MYO6: variants seen among roughly 807,000 people sequenced by gnomAD.
MYO6 encodes unconventional myosin-VI.
In MYO6, 74 loss-of-function variants were observed where a neutral mutation model predicts 178.7. The ratio of observed to expected loss-of-function variants is 0.41; its 90% CI spans 0.34 to 0.50. The LOEUF (loss-of-function observed/expected upper bound fraction) is 0.50. Among genes scored for constraint, MYO6 ranks in the 20% least tolerant of loss-of-function variants. The pLI, the probability that MYO6 is intolerant of heterozygous loss-of-function variation, is 0.09. For synonymous variants in MYO6, 477 were observed against 504.6 expected (o/e 0.95, Z 0.73); for missense variants, 1,330 against 1,547.4 (o/e 0.86, Z 2.36).
chr6:75,775,526 T>G (rs1583034203), intron 1 of MYO6, among the ~76,000 whole-genome samples: 1 of 152,090 alleles, frequency 6.6e-6, no homozygotes, highest in African/African-American at 2.4e-5. Flanking sequence ...GCATCTGGGG[T>G]GGATGCCTGC....
intron 15 of MYO6, 62 bp downstream of exon 15, chr6:75,861,157 C>G: frequency 7.8e-7 from 1 of 1,277,586 alleles, no homozygotes; most frequent in African/African-American, 1.5e-5. Flanking sequence ...GTGTTTAGTG[C>G]TTTTTCTGTG....
intron 1 of MYO6, among the ~76,000 whole-genome samples, chr6:75,763,503 T>C (rs1778131021): frequency 6.6e-6 from 1 of 152,340 alleles, no homozygotes; most frequent in Admixed American, 6.5e-5. Context: ...ACATATTTGA[T>C]ATAAACATGC....
Position 75,817,602 on chromosome 6 carries a change from G to T in MYO6, c.55G>T (p.Gly19Cys). 1 of 1,614,116 alleles carries T rather than the reference G, an allele frequency of 6.2e-7. No homozygotes were observed. Among genetic ancestry groups the T allele is most frequent in the Non-Finnish European group, 8.5e-7 (1 of 1,180,022 alleles). Residue 19 changes from glycine to cysteine, a missense_variant, in exon 2 of 35, where the codon GGC (glycine) becomes TGC (cysteine). Around this residue, in one of 3 missense-constraint regions of MYO6, gnomAD observed 116 missense variants for 104.6 expected, o/e 1.11. Transcript: ENST00000369977. ...APHPTDGFQM[G>C]NIVDIGPDSL... ...ACACCCTACAGATGGATTTCAGATGGGCAATATTGTGGATATTGGCCCCGA... is the reference window on the plus strand; with the variant it reads ...ACACCCTACAGATGGATTTCAGATGTGCAATATTGTGGATATTGGCCCCGA...
At chr6:75,903,150 G>T (rs546795129) in intron 30 of MYO6, among the ~76,000 whole-genome samples, 119 of 152,190 alleles carry the variant, frequency 7.8e-4, no homozygotes, top group Non-Finnish European at 1.5e-3. Flanking sequence ...TTCCAAGTAT[G>T]TGGTCAATTT....
chr6:75,776,727 G>T (rs969129054), intron 1 of MYO6, among the ~76,000 whole-genome samples: 2 of 151,730 alleles, frequency 1.3e-5, no homozygotes, highest in East Asian at 3.9e-4. Context: ...TTCCCAGGCT[G>T]GTCTCAAATT....
At chr6:75,907,788 G>GTGTGTT in intron 31 of MYO6, 80 bp downstream of exon 31, 1 of 890,632 alleles carries the variant, frequency 1.1e-6, no homozygotes, top group Non-Finnish European at 1.8e-6. Flanking sequence ...TGAGGTGTGT[G>GTGTGTT]TGTGTATGTG....
intron 7 of MYO6, 73 bp downstream of exon 7, chr6:75,836,029 GTTC>G (rs1773613979): frequency 4.9e-6 from 5 of 1,022,142 alleles, no homozygotes; most frequent in South Asian, 3.8e-5. Context: ...GGTCTGGAAT[GTTC>G]TTCTCTCAGA....
chr6:75,822,272 A>C (rs1379193912), intron 2 of MYO6, among the ~76,000 whole-genome samples: 2 of 151,704 alleles, frequency 1.3e-5, no homozygotes, highest in Non-Finnish European at 2.9e-5. Flanking sequence ...TAATTTTTGT[A>C]TTTTTAGTAG....
At position 75,782,825 on chromosome 6, in the gene MYO6, C is replaced by T. The variant is rs903731903; in HGVS notation, c.-48+33402C>T. Among the ~76,000 whole-genome samples, 6 of 151,908 alleles carry T rather than the reference C, an allele frequency of 3.9e-5. No individual in the cohort carries two copies. The East Asian group carries it at 1.2e-3, about 29-fold the overall frequency. ...ATTCTGAGTGTCTTTGTGGATGGAC[C>T]TCTCTGAAATTTACTTGTTGCAAAT... On this transcript the variant is annotated intron_variant, in intron 1 of 34. Coordinates refer to ENST00000369977, the MANE Select transcript of MYO6 (RefSeq NM_004999.4).
chr6:75,839,257 C>T (rs933132979), intron 7 of MYO6, among the ~76,000 whole-genome samples: 15 of 152,000 alleles, frequency 9.9e-5, no homozygotes, highest in South Asian at 2.1e-4. Flanking sequence ...GGCGCGATCT[C>T]GGCTCGCTGC....
At chr6:75,773,389 G>C (rs964684484) in intron 1 of MYO6, among the ~76,000 whole-genome samples, 1 of 152,168 alleles carries the variant, frequency 6.6e-6, no homozygotes, top group East Asian at 1.9e-4. Context: ...TGATTACCTT[G>C]AAAGAAATAA....
intron 1 of MYO6, among the ~76,000 whole-genome samples, chr6:75,770,819 T>A (rs1765809921): frequency 1.3e-5 from 2 of 152,176 alleles, no homozygotes; most frequent in South Asian, 4.1e-4. Flanking sequence ...ATTGTTTGTG[T>A]AATTGAAAGC....
rs968659935 is a variant in MYO6 at position 75,831,082 on chromosome 6, G to A, written c.391+537G>A. Among the ~76,000 whole-genome samples, 11 of 152,220 alleles carry A rather than the reference G, an allele frequency of 7.2e-5. No homozygotes were observed. In the South Asian group the frequency reaches 1.7e-3, roughly 23 times the overall value. On this transcript the variant is annotated intron_variant, in intron 5 of 34. Transcript: ENST00000369977. ...ACTGGAGAATCTATGTGGGAAGACA[G>A]TAGTGTCTCTTTGCCTTTCTCAGCC...
intron 1 of MYO6, among the ~76,000 whole-genome samples, chr6:75,780,174 C>T (rs1766815097): frequency 6.6e-6 from 1 of 152,218 alleles, no homozygotes; most frequent in Admixed American, 6.5e-5. Context: ...GGCGCAGTGG[C>T]TCATGCCTGT....
At chr6:75,819,227 A>G (rs1771607887) in intron 2 of MYO6, among the ~76,000 whole-genome samples, 2 of 152,182 alleles carry the variant, frequency 1.3e-5, no homozygotes, top group Admixed American at 1.3e-4. Context: ...TTTTTTCCAC[A>G]AAGTTTTTTT....
chr6:75,861,866 G>A (rs1423008763), intron 15 of MYO6, among the ~76,000 whole-genome samples: 1 of 152,118 alleles, frequency 6.6e-6, no homozygotes. Flanking sequence ...GTCTTTGACT[G>A]TGTGGTTTGA....
At chr6:75,754,059 A>G (rs1777131326) in intron 1 of MYO6, among the ~76,000 whole-genome samples, 1 of 152,170 alleles carries the variant, frequency 6.6e-6, no homozygotes, top group Non-Finnish European at 1.5e-5. Flanking sequence ...AGAGGAAATA[A>G]TTTTTTATAC....
At chr6:75,760,352 T>C (rs1008888067) in intron 1 of MYO6, among the ~76,000 whole-genome samples, 20 of 152,176 alleles carry the variant, frequency 1.3e-4, no homozygotes, top group Non-Finnish European at 1.3e-4. Context: ...AGAGATGGTA[T>C]GAAGGATTCT....
chr6:75,858,184 G>T (rs1017999104), intron 13 of MYO6, among the ~76,000 whole-genome samples: 2 of 152,054 alleles, frequency 1.3e-5, no homozygotes, highest in African/African-American at 4.8e-5. Flanking sequence ...CTTGATTTTA[G>T]AAATGAATTG....
Sources: gnomAD v4.1 joint callset for allele counts (sites outside exome capture counted in the v4.1 genomes callset) on GRCh38, gnomAD v4.1.1 for gene constraint, gnomAD v4.1.1 regional missense constraint, MANE v1.5 for transcripts, NCBI Gene and HGNC (gene_info 2026-07-23, HGNC 2026-07-21) for gene names.